Variants in PRDM16 observed in about 807,000 individuals in gnomAD.
PRDM16 encodes the protein histone-lysine N-methyltransferase PRDM16.
A neutral mutation model predicts 110.6 loss-of-function variants in PRDM16; 23 were observed. That is an observed-to-expected ratio of 0.21 (90% CI 0.15 to 0.29). The LOEUF (loss-of-function observed/expected upper bound fraction) is 0.29. Among genes scored for constraint, PRDM16 ranks in the 10% least tolerant of loss-of-function variants. The probability of loss-of-function intolerance (pLI) is 1.00; values close to 1 mark genes in which losing one functional copy is unlikely to be tolerated. For missense variants in PRDM16, 1,615 were observed against 1,794.3 expected, an observed-to-expected ratio of 0.90 and a Z score of 1.81; for synonymous variants, 799 against 781.8, an observed-to-expected ratio of 1.02 and a Z score of -0.37.
rs772186215 is a variant in PRDM16 at position 3,086,943 on chromosome 1, A to G, written c.37+17647A>G. 1.2e-4 allele frequency among the ~76,000 whole-genome samples: 19 copies of G among 152,108 alleles called. 1 individual carries two copies. The highest frequency in any genetic ancestry group is 2.5e-4 in the Non-Finnish European group (17 of 68,020). On this transcript the variant is annotated intron_variant, in intron 1 of 16. Coordinates refer to ENST00000270722, the MANE Select transcript of PRDM16 (RefSeq NM_022114.4). The stretch of plus-strand genomic sequence containing the variant: ...TCTAAACATGGTATCACTCACCTCC[A>G]ATGAAAGTTAGAAAAAGAAAAGAAG...
rs1239781656 is a variant in PRDM16, at chr1:3,190,214, T to G, written c.387+3740T>G. Among the ~76,000 whole-genome samples the G allele has an allele frequency of 6.8e-6, 1 of 146,284 alleles. No individual in the cohort carries two copies. Among genetic ancestry groups the G allele is most frequent in the South Asian group, 2.1e-4 (1 of 4,680 alleles). Reference sequence around the variant, plus strand: ...GTGGGGCAGCGTTACTTCAAGGTCGTGGGGCAGCCTTACTTCAAGGTCGTG... The same window carrying G: ...GTGGGGCAGCGTTACTTCAAGGTCGGGGGGCAGCCTTACTTCAAGGTCGTG... On this transcript the variant is annotated intron_variant, in intron 2 of 16. Coordinates refer to ENST00000270722, the MANE Select transcript of PRDM16 (RefSeq NM_022114.4). This position sits in a 1 kb window ranked among gnomAD's most constrained non-coding sequence, Gnocchi z 5.0.
intron 2 of PRDM16, among the ~76,000 whole-genome samples, chr1:3,236,749 G>A (rs1442733092): frequency 6.6e-6 from 1 of 152,370 alleles, no homozygotes; most frequent in Non-Finnish European, 1.5e-5. Context: ...CTCCCCTGCT[G>A]TCAAATTCGG....
chr1:3,343,594 G>A (rs968569932), intron 3 of PRDM16, among the ~76,000 whole-genome samples: 4 of 151,284 alleles, frequency 2.6e-5, no homozygotes, highest in South Asian at 2.1e-4. Flanking sequence ...CCCACATATC[G>A]CTCAGGCTCT....
At chr1:3,348,582 C>T (rs1642412190) in intron 3 of PRDM16, among the ~76,000 whole-genome samples, 1 of 152,246 alleles carries the variant, frequency 6.6e-6, no homozygotes, top group African/African-American at 2.4e-5. Context: ...AGGCCCTCCG[C>T]CATGGCCTCC....
chr1:3,367,784 G>A (rs1642841882), intron 3 of PRDM16, among the ~76,000 whole-genome samples: 1 of 152,226 alleles, frequency 6.6e-6, no homozygotes, highest in Non-Finnish European at 1.5e-5. Context: ...TGAGTACACT[G>A]ATTTTCAGTG....
At chr1:3,259,880 T>A (rs965012120) in intron 3 of PRDM16, among the ~76,000 whole-genome samples, 9 of 152,082 alleles carry the variant, frequency 5.9e-5, no homozygotes, top group African/African-American at 2.2e-4. Context: ...GCAGGTGCCG[T>A]CTGTGTGTCC....
At chr1:3,298,008 T>C (rs1424395527) in intron 3 of PRDM16, among the ~76,000 whole-genome samples, 1 of 139,386 alleles carries the variant, frequency 7.2e-6, no homozygotes, top group African/African-American at 3.4e-5. Flanking sequence ...GGGAAGGCTC[T>C]GCAGGGAACA....
intron 16 of PRDM16, among the ~76,000 whole-genome samples, chr1:3,432,360 C>T (rs1638792328): frequency 6.6e-6 from 1 of 152,256 alleles, no homozygotes; most frequent in South Asian, 2.1e-4. Flanking sequence ...TGGCAGGACC[C>T]TCACGAGGGA....
intron 3 of PRDM16, among the ~76,000 whole-genome samples, chr1:3,254,131 G>A (rs1461759021): frequency 9.9e-5 from 15 of 152,214 alleles, no homozygotes; most frequent in South Asian, 2.1e-4. Flanking sequence ...AGTAGGTTGC[G>A]AAAATTTTCT....
At chr1:3,226,681 G>A (rs1218239486) in intron 2 of PRDM16, among the ~76,000 whole-genome samples, 2 of 152,100 alleles carry the variant, frequency 1.3e-5, no homozygotes, top group African/African-American at 2.4e-5. Flanking sequence ...CCTTCCTGAC[G>A]TTGAAGGCCA....
chr1:3,338,721 A>T (rs368015702), intron 3 of PRDM16, among the ~76,000 whole-genome samples: 22 of 152,106 alleles, frequency 1.4e-4, no homozygotes, highest in East Asian at 1.2e-3. Flanking sequence ...TGTGGCTACC[A>T]TGCCCTCCTG....
intron 1 of PRDM16, among the ~76,000 whole-genome samples, chr1:3,132,244 G>T (rs569050796): frequency 6.6e-6 from 1 of 152,310 alleles, no homozygotes; most frequent in South Asian, 2.1e-4. Flanking sequence ...CCATTCCAGC[G>T]TGTTATTATC....
intron 1 of PRDM16, among the ~76,000 whole-genome samples, chr1:3,164,666 G>C (rs550374067): frequency 6.6e-6 from 1 of 152,222 alleles, no homozygotes; most frequent in Non-Finnish European, 1.5e-5. Context: ...GGCAGGCGAG[G>C]GGCTAGGAGG....
intron 3 of PRDM16, among the ~76,000 whole-genome samples, chr1:3,263,906 C>A (rs1640226122): frequency 6.6e-6 from 1 of 152,214 alleles, no homozygotes; most frequent in African/African-American, 2.4e-5. Context: ...TTCCTTCAGT[C>A]GACGCCTCTT....
intron 3 of PRDM16, among the ~76,000 whole-genome samples, chr1:3,343,581 T>A (rs753004105): frequency 6.6e-6 from 1 of 152,122 alleles, no homozygotes; most frequent in Non-Finnish European, 1.5e-5. Context: ...TATCAGATAT[T>A]GTCCCACATA....
intron 3 of PRDM16, among the ~76,000 whole-genome samples, chr1:3,332,924 A>C (rs1276882062): frequency 6.6e-6 from 1 of 152,104 alleles, no homozygotes; most frequent in Non-Finnish European, 1.5e-5. Context: ...GTTCTTCCTC[A>C]CTGTAGCGTG....
At chr1:3,413,800 G>A (rs946138260) in intron 9 of PRDM16, among the ~76,000 whole-genome samples, 1 of 152,218 alleles carries the variant, frequency 6.6e-6, no homozygotes, top group African/African-American at 2.4e-5. Flanking sequence ...GGCCAAAGGA[G>A]GGTCAGTGGA....
At position 3,340,598 on chromosome 1, in the gene PRDM16, G is replaced by A. The variant is rs545878698; in HGVS notation, c.439-44554G>A. Among the ~76,000 whole-genome samples the A allele has an allele frequency of 1.8e-4, 27 of 152,244 alleles. 1 individual carries two copies. In the South Asian group the frequency reaches 5.2e-3, roughly 29 times the overall value. ...CACTCTGAGTCTGTCCCTTCTACGC[G>A]TGTCTGTGTCTTCAGGAAATAGAGC... On this transcript the variant is annotated intron_variant, in intron 3 of 16. Coordinates refer to ENST00000270722, the MANE Select transcript of PRDM16 (RefSeq NM_022114.4).
At position 3,412,402 on chromosome 1, in the gene PRDM16, C is replaced by G; in HGVS notation, c.2205C>G (p.His735Gln). ...TCCAGTTCCTGCCCAACTTCCCCCACTCCCTTTACCCCTTCACGGACCGAG... is the reference window on the plus strand; with the variant it reads ...TCCAGTTCCTGCCCAACTTCCCCCAGTCCCTTTACCCCTTCACGGACCGAG... ...FPFQFLPNFP[H>Q]SLYPFTDRAL... Residue 735 changes from histidine to glutamine, a missense_variant, in exon 9 of 17, where the codon CAC (histidine) becomes CAG (glutamine). Transcript: ENST00000270722. 6.2e-7 allele frequency: 1 copy of G among 1,613,214 alleles called. No individual in the cohort carries two copies. Among genetic ancestry groups the G allele is most frequent in the South Asian group, 1.1e-5 (1 of 91,076 alleles).
Sources: allele counts gnomAD v4.1 joint callset (sites outside exome capture counted in the v4.1 genomes callset), GRCh38; gene constraint gnomAD v4.1.1; non-coding constraint Gnocchi (gnomAD v3.1); transcripts MANE v1.5; gene names NCBI Gene and HGNC (gene_info 2026-07-23, HGNC 2026-07-21).